Variants in RGS20 observed in about 807,000 individuals in gnomAD.
RGS20 encodes the protein gz-selective GTPase-activating protein.
RGS20 carries 30 observed loss-of-function variants against 33.6 expected under a neutral mutation model. The observed-to-expected ratio is 0.89, with a 90% CI of 0.67 to 1.21. RGS20 has a LOEUF of 1.21. RGS20 is among the 50% of genes most tolerant of loss of function. The pLI is 0.00. For synonymous variants in RGS20, 208 were observed against 197.9 expected, an observed-to-expected ratio of 1.05 and a Z score of -0.43; for missense variants, 472 against 502.4, an observed-to-expected ratio of 0.94 and a Z score of 0.58.
At position 53,927,679 on chromosome 8, in the gene RGS20, T is replaced by C. The variant is rs117010488; in HGVS notation, c.511-11897T>C. Among the ~76,000 whole-genome samples, 558 of 152,276 alleles carry C rather than the reference T, an allele frequency of 3.7e-3. 1 individual carries two copies. The highest frequency in any genetic ancestry group is 5.8e-3 in the Non-Finnish European group (396 of 68,024). On this transcript the variant is annotated intron_variant, in intron 2 of 5. Transcript: ENST00000297313. ...AGGACAGTAAAATGATGCCCAGCAT[T>C]CTCTGCCAAACAGACTAAAAAAGGA...
rs1236586665 is a variant in RGS20, at chr8:53,870,084, A to G, written c.166-9174A>G. On this transcript the variant is annotated intron_variant, in intron 1 of 5. Coordinates refer to ENST00000297313, the MANE Select transcript of RGS20 (RefSeq NM_170587.4). ...ATTTAAAAAAAATGGATTCTGTGTC[A>G]CAGACTCTTTATTACAACAATATAA... 4.6e-5 allele frequency among the ~76,000 whole-genome samples: 7 copies of G among 152,328 alleles called. No homozygotes were observed. In the East Asian group the frequency reaches 9.6e-4, roughly 21 times the overall value.
At chr8:53,880,818 C>G in intron 2 of RGS20, 54 bp from the exon 1 acceptor site, 1 of 1,353,804 alleles carries the variant, frequency 7.4e-7, no homozygotes, top group Non-Finnish European at 9.6e-7. Flanking sequence ...TGGAGGGAGG[C>G]GAGACGTGGG....
intron 2 of RGS20, among the ~76,000 whole-genome samples, chr8:53,901,402 C>T (rs1813024898): frequency 6.6e-6 from 1 of 152,160 alleles, no homozygotes; most frequent in Non-Finnish European, 1.5e-5. Context: ...TCTGTTTCAT[C>T]TCTCACTGGG....
intron 2 of RGS20, among the ~76,000 whole-genome samples, chr8:53,882,277 G>A (rs1223423475): frequency 6.6e-6 from 1 of 152,232 alleles, no homozygotes; most frequent in East Asian, 1.9e-4. Context: ...CGCTTGTGGG[G>A]GAGTGAGTGG....
intron 4 of RGS20, among the ~76,000 whole-genome samples, chr8:53,952,340 C>G (rs1371298207): frequency 7.0e-6 from 1 of 141,996 alleles, no homozygotes; most frequent in Non-Finnish European, 1.5e-5. Flanking sequence ...CAGAGCAATA[C>G]TCTGTCTCAA....
At chr8:53,955,332 G>A (rs957232282) in intron 5 of RGS20, among the ~76,000 whole-genome samples, 7 of 151,864 alleles carry the variant, frequency 4.6e-5, no homozygotes, top group African/African-American at 1.7e-4. Context: ...ACCCTAAGAC[G>A]TTCCTTTAAA....
intron 2 of RGS20, chr8:53,881,019 C>A: frequency 6.3e-7 from 1 of 1,594,402 alleles, no homozygotes; most frequent in African/African-American, 1.3e-5. Flanking sequence ...GGGACGCATG[C>A]GCACGGCGGA....
chr8:53,854,039 A>G (rs111306440), intron 1 of RGS20, among the ~76,000 whole-genome samples: 63 of 152,182 alleles, frequency 4.1e-4, no homozygotes, highest in African/African-American at 1.5e-3. Context: ...TTCTCCAAAA[A>G]TCCTCAACCT....
chr8:53,941,800 T>C (rs1280462747), intron 3 of RGS20, among the ~76,000 whole-genome samples: 1 of 152,188 alleles, frequency 6.6e-6, no homozygotes, highest in Non-Finnish European at 1.5e-5. Context: ...GGTATTTGGG[T>C]ACCAACTCAT....
rs1169187546 is a variant in RGS20, at chr8:53,879,464, G to T, written c.372G>T (p.Pro124=). ...TCTCGAGGGGGCACGAGGAGCTGCC[G>T]GGCCGCCTCTCGCTCCTGCTCGGGG... Residue 124 remains proline, a synonymous_variant, in exon 2 of 6, where the codon CCG becomes CCT. Transcript: ENST00000297313. 6.3e-7 allele frequency: 1 copy of T among 1,589,632 alleles called. No homozygotes were observed.
At chr8:53,871,112 C>CAA (rs370091533) in intron 1 of RGS20, among the ~76,000 whole-genome samples, 439 of 21,432 alleles carry the variant, frequency 0.02, 48 homozygotes, top group Non-Finnish European at 0.024. Context: ...CTCCATCTCA[C>CAA]AAAAAAAAAA....
intron 2 of RGS20, among the ~76,000 whole-genome samples, chr8:53,938,642 T>C (rs1474421869): frequency 6.6e-6 from 1 of 152,226 alleles, no homozygotes; most frequent in Non-Finnish European, 1.5e-5. Flanking sequence ...TGAAATAGAA[T>C]AATAGATCCA....
intron 5 of RGS20, among the ~76,000 whole-genome samples, chr8:53,956,830 T>TC (rs1388818391): frequency 1.3e-5 from 2 of 152,104 alleles, no homozygotes; most frequent in Non-Finnish European, 2.9e-5. Context: ...GCAAGGTTTT[T>TC]CATCAATCTT....
At chr8:53,898,959 A>G (rs1812939178) in intron 2 of RGS20, among the ~76,000 whole-genome samples, 1 of 152,258 alleles carries the variant, frequency 6.6e-6, no homozygotes. Context: ...TTCACACTGT[A>G]GCATGATGGT....
chr8:53,897,698 C>T (rs78923269), intron 2 of RGS20, among the ~76,000 whole-genome samples: 40 of 152,240 alleles, frequency 2.6e-4, no homozygotes, highest in East Asian at 9.7e-4. Flanking sequence ...CCTGCTGCCC[C>T]GTCGATTGTC....
rs867959688 is a variant in RGS20 at position 53,865,063 on chromosome 8, G to A, written c.165+12999G>A. Among the ~76,000 whole-genome samples the A allele has an allele frequency of 3.3e-5, 5 of 152,344 alleles. No homozygotes were observed. In the South Asian group the frequency reaches 6.2e-4, roughly 19 times the overall value. Reference sequence around the variant, plus strand: ...CGACAGGGCCCCGCATGGCCTGAACGAGGCTCACACAAAGCCTGGTTTATT... The same window carrying A: ...CGACAGGGCCCCGCATGGCCTGAACAAGGCTCACACAAAGCCTGGTTTATT... On this transcript the variant is annotated intron_variant, in intron 1 of 5. Transcript: ENST00000297313.
intron 2 of RGS20, among the ~76,000 whole-genome samples, chr8:53,911,911 A>G (rs562746988): frequency 6.6e-6 from 1 of 152,350 alleles, no homozygotes; most frequent in East Asian, 1.9e-4. Context: ...ACTTAACTCC[A>G]GCTTGGGTGA....
chr8:53,934,218 A>C (rs1033018763), intron 2 of RGS20, among the ~76,000 whole-genome samples: 5 of 152,222 alleles, frequency 3.3e-5, no homozygotes, highest in African/African-American at 1.2e-4. Context: ...CAAAATAACC[A>C]GCTAGCATCA....
chr8:53,942,888 C>T (rs1375729002), intron 3 of RGS20, among the ~76,000 whole-genome samples: 1 of 151,180 alleles, frequency 6.6e-6, no homozygotes, highest in Non-Finnish European at 1.5e-5. Context: ...CCCAGCTACT[C>T]TAGAAGCTGA....
Sources: gnomAD v4.1 joint callset for allele counts (sites outside exome capture counted in the v4.1 genomes callset) on GRCh38, gnomAD v4.1.1 for gene constraint, MANE v1.5 for transcripts, NCBI Gene and HGNC (gene_info 2026-07-23, HGNC 2026-07-21) for gene names.